Variants in CLDN18 observed in about 807,000 individuals in gnomAD.
CLDN18 encodes the protein claudin 18, also known as claudin-18.
Under a neutral mutation model 25.0 loss-of-function variants are expected in CLDN18, and 20 were observed. The observed-to-expected ratio is 0.80, with a 90% CI of 0.56 to 1.16. The LOEUF is 1.16. Ranked by LOEUF, CLDN18 falls within the 50% of genes most tolerant of loss-of-function variation. The pLI, the probability that CLDN18 is intolerant of heterozygous loss-of-function variation, is 0.00. For missense variants in CLDN18, 297 were observed against 345.4 expected (o/e 0.86, Z 1.11); for synonymous variants, 125 against 135.6 (o/e 0.92, Z 0.54).
intron 1 of CLDN18, among the ~76,000 whole-genome samples, chr3:138,018,698 G>C (rs1167011616): frequency 6.6e-6 from 1 of 152,152 alleles, no homozygotes; most frequent in Admixed American, 6.5e-5. Context: ...ACTTCACCTC[G>C]TAGTAGTATT....
upstream of CLDN18, among the ~76,000 whole-genome samples, chr3:138,008,388 G>A (rs1021158960): frequency 6.6e-6 from 1 of 152,156 alleles, no homozygotes; most frequent in Non-Finnish European, 1.5e-5. Context: ...CAGATCATTT[G>A]AGGTCAGGAG....
rs768644447 is a variant in CLDN18, at chr3:138,010,330, G to C, written c.105G>C (p.Leu35=). ...TGMDMWSTQD[L]YDNPVTSVFQ... ...TGGACATGTGGAGCACCCAGGACCT[G>C]TACGACAACCCCGTCACCTCCGTGT... is the stretch of plus-strand genomic sequence containing the variant. Residue 35 remains leucine (L), a synonymous_variant, in exon 1 of 5, where the codon CTG becomes CTC. Coordinates refer to ENST00000183605, the MANE Select transcript of CLDN18 (RefSeq NM_016369.4). 9.3e-6 allele frequency: 15 copies of C among 1,614,208 alleles called. No individual in the cohort carries two copies. In the South Asian group the frequency reaches 1.6e-4, roughly 18 times the overall value.
chr3:138,013,129 T>C (rs1422169814), intron 1 of CLDN18, among the ~76,000 whole-genome samples: 1 of 152,228 alleles, frequency 6.6e-6, no homozygotes, highest in Non-Finnish European at 1.5e-5. Flanking sequence ...TAAGTGTTTA[T>C]GCAAGCCATT....
chr3:138,010,518 C>T, intron 1 of CLDN18, 73 bp downstream of exon 1: 1 of 1,568,068 alleles, frequency 6.4e-7, no homozygotes, highest in Non-Finnish European at 8.7e-7. Context: ...GCGTTAAGCC[C>T]CACTCCCACC....
At chr3:138,027,479 A>C (rs865850597) in intron 3 of CLDN18, among the ~76,000 whole-genome samples, 23 of 152,180 alleles carry the variant, frequency 1.5e-4, no homozygotes, top group African/African-American at 4.8e-4. Context: ...GAGAGTTTTG[A>C]AGGCAAAGTG....
At chr3:138,000,610 T>C (rs1942005961) in intron 1 of CLDN18, among the ~76,000 whole-genome samples, 3 of 152,168 alleles carry the variant, frequency 2.0e-5, no homozygotes, top group Admixed American at 2.0e-4. Context: ...GCTAAAGAGA[T>C]TGAATCAGTA....
At chr3:138,009,493 C>G (rs1380224304), upstream of CLDN18, among the ~76,000 whole-genome samples, 1 of 152,146 alleles carries the variant, frequency 6.6e-6, no homozygotes, top group Non-Finnish European at 1.5e-5. Flanking sequence ...GCTTCGTGTT[C>G]TCAAAAGTGG....
intron 3 of CLDN18, among the ~76,000 whole-genome samples, chr3:138,025,247 G>A (rs1942313154): frequency 6.6e-6 from 1 of 152,186 alleles, no homozygotes; most frequent in Admixed American, 6.5e-5. Flanking sequence ...TCAGAGTGCT[G>A]GAGATACAAA....
In CLDN18 at chr3:138,023,727, C is replaced by G. The variant is rs1051145533; in HGVS notation, c.290C>G (p.Ser97Cys). Residue 97 changes from serine (S) to cysteine (C), a missense_variant, in exon 2 of 5, where the codon TCC (serine) becomes TGC (cysteine). By Grantham distance (112) the Ser-to-Cys change is moderately radical. Transcript: ENST00000183605. ...CTGGGTGCCATTGGCCTCCTGGTATCCATCTTTGCCCTGAAATGCATCCGC... is the reference window on the plus strand; with the variant it reads ...CTGGGTGCCATTGGCCTCCTGGTATGCATCTTTGCCCTGAAATGCATCCGC... ...IVLGAIGLLV[S>C]IFALKCIRIG... 6.2e-7 allele frequency: 1 copy of G among 1,613,984 alleles called. No homozygotes were observed. The highest frequency in any genetic ancestry group is 1.3e-5 in the African/African-American group (1 of 74,930).
intron 1 of CLDN18, among the ~76,000 whole-genome samples, chr3:138,004,467 T>C (rs1014891641): frequency 2.0e-5 from 3 of 152,190 alleles, no homozygotes; most frequent in African/African-American, 7.2e-5. Context: ...GAAAGTTTTT[T>C]TTTTTAAGTA....
At chr3:138,021,663 A>G (rs1942271789) in intron 1 of CLDN18, among the ~76,000 whole-genome samples, 1 of 152,200 alleles carries the variant, frequency 6.6e-6, no homozygotes, top group Non-Finnish European at 1.5e-5. Flanking sequence ...AAAAAAAATC[A>G]GCAATTTCCC....
upstream of CLDN18, among the ~76,000 whole-genome samples, chr3:138,008,805 A>G (rs1233353434): frequency 6.6e-6 from 1 of 152,026 alleles, no homozygotes; most frequent in South Asian, 2.1e-4. Flanking sequence ...ATGCATGTAT[A>G]GTTCCAAATA....
chr3:138,014,245 C>G (rs1237163507), intron 1 of CLDN18, among the ~76,000 whole-genome samples: 2 of 152,170 alleles, frequency 1.3e-5, no homozygotes, highest in African/African-American at 2.4e-5. Flanking sequence ...AGGTCCTTGG[C>G]TCTCTGAGAA....
intron 3 of CLDN18, 150 bp downstream of exon 3, chr3:138,024,874 T>G (rs1942307177): frequency 1.7e-6 from 1 of 576,168 alleles, no homozygotes; most frequent in Admixed American, 3.3e-5. Flanking sequence ...AACAATCACC[T>G]GTAAATTCAT....
chr3:138,031,250 T>G lies in CLDN18; in HGVS notation c.*109T>G, dbSNP rs1403847156. ...TTGCTTTTGACTCACAGCTGGAAGT[T>G]AGAAAAGCCTCGATTTCATCTTTGG... On this transcript the variant is annotated 3_prime_UTR_variant, in exon 5 of 5. Coordinates refer to ENST00000183605, the MANE Select transcript of CLDN18 (RefSeq NM_016369.4). The G allele has an allele frequency of 2.0e-6, 2 of 1,005,478 alleles. No individual in the cohort carries two copies. Among genetic ancestry groups the G allele is most frequent in the Non-Finnish European group, 2.8e-6 (2 of 704,886 alleles). The allele number at this position is 1,005,478 out of a possible 1,614,324, so 62.3% of individuals were successfully genotyped here.
Position 138,010,302 on chromosome 3 carries a change from G to A in CLDN18, c.77G>A (p.Gly26Glu), listed in dbSNP as rs1443429734. Residue 26 changes from glycine (G) to glutamate (E), a missense_variant, in exon 1 of 5, where the codon GGG becomes GAG. Transcript: ENST00000183605. ...LGLAGCIAAT[G>E]MDMWSTQDLY... ...CTGGCCGGCTGCATCGCGGCCACCG[G>A]GATGGACATGTGGAGCACCCAGGAC... The A allele has an allele frequency of 1.2e-6, 2 of 1,614,180 alleles. No homozygotes were observed. The highest frequency in any genetic ancestry group is 1.3e-5 in the African/African-American group (1 of 75,038).
chr3:138,023,671 A>C lies in CLDN18; in HGVS notation c.234A>C (p.Ala78=), dbSNP rs772579355. ...CTTGTCCCACAGCCATGCTGCAGGC[A>C]GTGCGAGCCCTGATGATCGTAGGCA... ...TILGLPAMLQ[A]VRALMIVGIV... is the part of the protein sequence containing the mutation. The change falls in exon 2 of 5, where the codon GCA becomes GCC. Residue 78 remains alanine (A), a synonymous_variant. Transcript: ENST00000183605. 91 of 1,613,752 alleles carry C rather than the reference A, an allele frequency of 5.6e-5. 1 individual carries two copies. In the Admixed American group the frequency reaches 1.5e-3, roughly 27 times the overall value.
chr3:138,018,066 A>G (rs1260714916), intron 1 of CLDN18, among the ~76,000 whole-genome samples: 2 of 152,156 alleles, frequency 1.3e-5, no homozygotes, highest in Admixed American at 1.3e-4. Context: ...CATGGTGGGG[A>G]GACACATCAT....
intron 1 of CLDN18, among the ~76,000 whole-genome samples, chr3:138,017,804 A>T (rs1942223669): frequency 6.6e-6 from 1 of 152,230 alleles, no homozygotes; most frequent in Admixed American, 6.5e-5. Context: ...ATGTAGACAA[A>T]CATCTAAATG....
Sources: allele counts gnomAD v4.1 joint callset (sites outside exome capture counted in the v4.1 genomes callset), GRCh38; gene constraint gnomAD v4.1.1; transcripts MANE v1.5; gene names NCBI Gene and HGNC (gene_info 2026-07-23, HGNC 2026-07-21).